The following NPAS3 variants were observed in gnomAD, a reference collection of about 807,000 sequenced individuals.
NPAS3 encodes the protein neuronal PAS domain protein 3.
Under a neutral mutation model 73.1 loss-of-function variants are expected in NPAS3, and 14 were observed. The ratio of observed to expected loss-of-function variants is 0.19; its 90% CI spans 0.13 to 0.30. The LOEUF is 0.30. Among genes scored for constraint, NPAS3 ranks in the 10% least tolerant of loss-of-function variants. NPAS3 has a pLI of 1.00. For missense variants in NPAS3, 1,096 were observed against 1,250.0 expected, an observed-to-expected ratio of 0.88 and a Z score of 1.86; for synonymous variants, 620 against 541.5, an observed-to-expected ratio of 1.14 and a Z score of -2.01.
chr14:33,778,348 C>T lies in NPAS3; in HGVS notation c.1047-118C>T, dbSNP rs143095833. On this transcript the variant is annotated intron_variant, in intron 8 of 11. Coordinates refer to ENST00000356141, the Ensembl canonical transcript of NPAS3. ...ATAAAGGGTTTCCCTCACAGTGCCA[C>T]CTCCTCACGGGTACAGTAGTATAAT... The T allele has an allele frequency of 2.9e-4, 198 of 673,300 alleles. No homozygotes were observed. The African/African-American group carries it at 3.2e-3, about 11-fold the overall frequency. 41.7% of individuals were successfully genotyped at this position (673,300 alleles called of 1,614,324 possible). A position where few individuals can be genotyped will look rare whatever the true frequency, so the allele number is the denominator to read the frequency against.
intron 5 of NPAS3, among the ~76,000 whole-genome samples, chr14:33,592,413 T>G (rs1053169801): frequency 6.6e-6 from 1 of 152,174 alleles, no homozygotes; most frequent in South Asian, 2.1e-4. Context: ...TATTAAAATT[T>G]AAGAGGCGAA....
At chr14:33,417,349 A>T (rs2048188407) in intron 4 of NPAS3, among the ~76,000 whole-genome samples, 2 of 151,982 alleles carry the variant, frequency 1.3e-5, no homozygotes, top group African/African-American at 4.8e-5. Context: ...ATGTCCTCTA[A>T]AATATAACTG....
chr14:33,157,600 G>GA (rs990133691), intron 2 of NPAS3, among the ~76,000 whole-genome samples: 5 of 151,948 alleles, frequency 3.3e-5, no homozygotes, highest in African/African-American at 7.2e-5. Flanking sequence ...TCAAGAAAGA[G>GA]AAAAAAAATT....
At chr14:33,595,678 T>C (rs2057216014) in intron 5 of NPAS3, among the ~76,000 whole-genome samples, 3 of 151,724 alleles carry the variant, frequency 2.0e-5, no homozygotes, top group Non-Finnish European at 4.4e-5. Flanking sequence ...CAGTTGCACT[T>C]CTTTTTTTTT....
intron 6 of NPAS3, among the ~76,000 whole-genome samples, chr14:33,705,082 CTCA>C (rs2060621052): frequency 6.6e-6 from 1 of 152,140 alleles, no homozygotes; most frequent in South Asian, 2.1e-4. Flanking sequence ...GGGAAGCGCC[CTCA>C]TTTTTATTTG....
At chr14:33,435,995 A>G (rs148000621) in intron 4 of NPAS3, among the ~76,000 whole-genome samples, 1 of 152,324 alleles carries the variant, frequency 6.6e-6, no homozygotes, top group East Asian at 1.9e-4. Flanking sequence ...CTGGTGCCCT[A>G]GAACAGTAAT....
chr14:33,511,572 G>A (rs1225262047), intron 4 of NPAS3, among the ~76,000 whole-genome samples: 1 of 152,032 alleles, frequency 6.6e-6, no homozygotes, highest in Non-Finnish European at 1.5e-5. Flanking sequence ...CCTCTTTGGT[G>A]GTTAGATAGA....
At chr14:33,767,599 C>CTT (rs10711937) in intron 7 of NPAS3, among the ~76,000 whole-genome samples, 50,083 of 138,468 alleles carry the variant, frequency 0.36, 9,384 homozygotes, top group East Asian at 0.43. Context: ...GGACTCTTGT[C>CTT]TTTTTTTTTT....
chr14:33,773,488 A>G (rs961425087), intron 7 of NPAS3, among the ~76,000 whole-genome samples: 5 of 152,104 alleles, frequency 3.3e-5, no homozygotes, highest in African/African-American at 1.2e-4. Flanking sequence ...TTACCCTTTT[A>G]TGATTTTGTT....
intron 3 of NPAS3, among the ~76,000 whole-genome samples, chr14:33,289,234 G>A (rs748858785): frequency 2.2e-4 from 34 of 152,124 alleles, no homozygotes; most frequent in African/African-American, 7.7e-4. Context: ...CATGTGCCTC[G>A]TAAGTTTTAG....
At chr14:33,133,657 T>C (rs1408991849) in intron 2 of NPAS3, among the ~76,000 whole-genome samples, 2 of 152,208 alleles carry the variant, frequency 1.3e-5, no homozygotes, top group African/African-American at 4.8e-5. Flanking sequence ...AACTTGTCCG[T>C]AGTTTGTAGA....
chr14:33,515,960 T>C (rs1262516451), intron 4 of NPAS3, among the ~76,000 whole-genome samples: 1 of 152,096 alleles, frequency 6.6e-6, no homozygotes. Context: ...CAAAGAAAAT[T>C]GAATAACAAT....
intron 3 of NPAS3, among the ~76,000 whole-genome samples, chr14:33,343,568 A>G (rs2044589509): frequency 6.6e-6 from 1 of 152,168 alleles, no homozygotes. Context: ...GACAAGGGAT[A>G]TCTCAAACCT....
chr14:33,350,601 T>C (rs2044993280), intron 3 of NPAS3, among the ~76,000 whole-genome samples: 1 of 152,240 alleles, frequency 6.6e-6, no homozygotes, highest in Non-Finnish European at 1.5e-5. Context: ...GAGACAGCTG[T>C]AACTATTAGC....
intron 9 of NPAS3, chr14:33,780,985 A>G (rs1293970536): frequency 7.3e-5 from 14 of 191,290 alleles, no homozygotes; most frequent in Non-Finnish European, 1.1e-5. Context: ...TCTAATTTTG[A>G]GTTCTTTTAA....
At chr14:33,192,573 T>G (rs2046209483) in intron 2 of NPAS3, among the ~76,000 whole-genome samples, 1 of 152,198 alleles carries the variant, frequency 6.6e-6, no homozygotes, top group Admixed American at 6.5e-5. Context: ...GATGCTGATA[T>G]TTTTATGACA....
Position 33,601,466 on chromosome 14 carries a change from A to G in NPAS3, c.558+41256A>G, listed in dbSNP as rs1482140240. On this transcript the variant is annotated intron_variant, in intron 5 of 11. Transcript: ENST00000356141. Reference sequence around the variant, plus strand: ...GCAAACCATTTCTTCCCTCAACTTTAAAACCAAAAGAGGACATAGGTAGTC... The same window carrying G: ...GCAAACCATTTCTTCCCTCAACTTTGAAACCAAAAGAGGACATAGGTAGTC... 2.0e-5 allele frequency among the ~76,000 whole-genome samples: 3 copies of G among 152,226 alleles called. No individual in the cohort carries two copies. The South Asian group carries it at 6.2e-4, about 31-fold the overall frequency.
At chr14:33,121,316 C>A (rs1227962076) in intron 2 of NPAS3, among the ~76,000 whole-genome samples, 1 of 152,136 alleles carries the variant, frequency 6.6e-6, no homozygotes, top group Non-Finnish European at 1.5e-5. Flanking sequence ...GATAAAACAT[C>A]CATTTGTAGG....
At chr14:33,344,077 G>A (rs1484341229) in intron 3 of NPAS3, among the ~76,000 whole-genome samples, 2 of 152,132 alleles carry the variant, frequency 1.3e-5, no homozygotes, top group South Asian at 2.1e-4. Flanking sequence ...ACAAATATGG[G>A]GGGATGAAAT....
Sources: allele counts gnomAD v4.1 joint callset (sites outside exome capture counted in the v4.1 genomes callset), GRCh38; gene constraint gnomAD v4.1.1; transcripts MANE v1.5; gene names NCBI Gene and HGNC (gene_info 2026-07-23, HGNC 2026-07-21).